Variants in AKR1C3 observed in about 807,000 individuals in gnomAD.
AKR1C3 encodes the protein aldo-keto reductase family 1 member C3, also known as 3-alpha hydroxysteroid dehydrogenase, type II.
A neutral mutation model predicts 43.6 loss-of-function variants in AKR1C3; 48 were observed. That is an observed-to-expected ratio of 1.10 (90% CI 0.87 to 1.40). The LOEUF (loss-of-function observed/expected upper bound fraction) is 1.40. Among genes scored for constraint, AKR1C3 ranks in the 40% most tolerant of loss-of-function variants. The pLI is 0.00. For synonymous variants in AKR1C3, 162 were observed against 139.6 expected (o/e 1.16, Z -1.13); for missense variants, 482 against 391.2 (o/e 1.23, Z -1.96).
At chr10:5,098,255 C>G (rs1564369514) in intron 3 of AKR1C3, 1 of 926,162 alleles carries the variant, frequency 1.1e-6, no homozygotes, top group Non-Finnish European at 1.3e-6. Context: ...TAAACTCCAA[C>G]ACTTTTTTTT....
chr10:5,085,595 G>T lies in AKR1C3; in HGVS notation c.85-10815G>T, dbSNP rs569841728. On this transcript the variant is annotated intron_variant, in intron 1 of 8. Transcript: ENST00000439082. ...CAGGATGACGCTGGCCTCATTAAAT[G>T]AGTTAGGGAGGATTCCCTCTTTTTC... Among the ~76,000 whole-genome samples the T allele has an allele frequency of 3.7e-4, 56 of 151,984 alleles. 2 individuals are homozygous for T. The South Asian group carries it at 0.011, about 30-fold the overall frequency.
At chr10:5,106,908 G>A (rs1839514636) in intron 8 of AKR1C3, among the ~76,000 whole-genome samples, 1 of 14,054 alleles carries the variant, frequency 7.1e-5, no homozygotes, top group South Asian at 2.9e-3. Context: ...TAGTTTCAAG[G>A]AAAATAAATA....
intron 5 of AKR1C3, among the ~76,000 whole-genome samples, chr10:5,101,033 A>G (rs1255839200): frequency 6.6e-6 from 1 of 152,216 alleles, no homozygotes; most frequent in Admixed American, 6.5e-5. Flanking sequence ...GCTACAGTAT[A>G]ATTATTGTAT....
At chr10:5,088,875 T>C (rs1839028427) in intron 1 of AKR1C3, among the ~76,000 whole-genome samples, 1 of 152,062 alleles carries the variant, frequency 6.6e-6, no homozygotes, top group African/African-American at 2.4e-5. Flanking sequence ...AGAGACTCAA[T>C]TGTGCAATTA....
chr10:5,093,147 C>A (rs1396093927), upstream of AKR1C3, among the ~76,000 whole-genome samples: 1 of 152,060 alleles, frequency 6.6e-6, no homozygotes, highest in Non-Finnish European at 1.5e-5. Context: ...GTTAGACGGA[C>A]TATTGCACGT....
intron 1 of AKR1C3, among the ~76,000 whole-genome samples, chr10:5,055,596 C>T (rs531129887): frequency 1.3e-5 from 2 of 152,340 alleles, no homozygotes; most frequent in Non-Finnish European, 2.9e-5. Context: ...CATTAATTTC[C>T]TTACTTAGGT....
At chr10:5,093,036 T>G (rs1433100006), upstream of AKR1C3, among the ~76,000 whole-genome samples, 2 of 152,110 alleles carry the variant, frequency 1.3e-5, no homozygotes. Flanking sequence ...AACTTGTATC[T>G]GCCTGGACTG....
chr10:5,102,395 G>A, intron 6 of AKR1C3, 90 bp from the exon 7 acceptor site: 2 of 1,545,070 alleles, frequency 1.3e-6, no homozygotes, highest in Non-Finnish European at 1.8e-6. Flanking sequence ...AGAAGCTCCG[G>A]TGCAGAGTGG....
At chr10:5,100,391 T>C (rs546276397) in intron 5 of AKR1C3, among the ~76,000 whole-genome samples, 1 of 152,344 alleles carries the variant, frequency 6.6e-6, no homozygotes, top group East Asian at 1.9e-4. Context: ...ACCTGACCTA[T>C]CACTGCCCAT....
rs1311513425 is a variant in AKR1C3, at chr10:5,104,902, C to T, written c.847-693C>T. On this transcript the variant is annotated intron_variant, in intron 7 of 8. Coordinates refer to ENST00000380554, the MANE Select transcript of AKR1C3 (RefSeq NM_003739.6). ...TGTTAAAAGAAAAATGTAATGAACA[C>T]CTTTTACCTAGACTAATTGTTAACT... Among the ~76,000 whole-genome samples the T allele has an allele frequency of 3.3e-5, 5 of 152,190 alleles. No homozygotes were observed. The East Asian group carries it at 9.6e-4, about 29-fold the overall frequency.
intron 1 of AKR1C3, among the ~76,000 whole-genome samples, chr10:5,064,107 C>T: frequency 6.6e-6 from 1 of 152,150 alleles, no homozygotes; most frequent in Non-Finnish European, 1.5e-5. Context: ...TGCAACCATT[C>T]AGTAATATTC....
chr10:5,063,782 A>AAAAAAAAAAAC, intron 1 of AKR1C3, among the ~76,000 whole-genome samples: 1 of 147,028 alleles, frequency 6.8e-6, no homozygotes, highest in South Asian at 2.2e-4. Context: ...AAAAAAAAAA[A>AAAAAAAAAAAC]AAAAAAAGGA....
chr10:5,095,728 C>G (rs1467088929), intron 1 of AKR1C3, among the ~76,000 whole-genome samples: 1 of 104,580 alleles, frequency 9.6e-6, no homozygotes, highest in East Asian at 2.8e-4. Flanking sequence ...TATGGCAGAA[C>G]TGTACCTTAG....
At chr10:5,090,451 C>T (rs1839066167), upstream of AKR1C3, among the ~76,000 whole-genome samples, 1 of 152,068 alleles carries the variant, frequency 6.6e-6, no homozygotes, top group Non-Finnish European at 1.5e-5. Context: ...TATCTCCAGG[C>T]CACAGTGTAG....
chr10:5,085,360 T>A (rs1422791121), intron 1 of AKR1C3, among the ~76,000 whole-genome samples: 17 of 152,174 alleles, frequency 1.1e-4, no homozygotes, highest in Admixed American at 3.9e-4. Context: ...TTGGTTCTGT[T>A]TATATGCTGG....
chr10:5,097,762 C>A (rs963802926), intron 3 of AKR1C3: 1 of 1,316,562 alleles, frequency 7.6e-7, no homozygotes, highest in Non-Finnish European at 9.7e-7. Context: ...AGTACAGCAA[C>A]CTCAAAGCCT....
At chr10:5,100,056 G>A (rs1418123673) in intron 5 of AKR1C3, among the ~76,000 whole-genome samples, 2 of 152,208 alleles carry the variant, frequency 1.3e-5, no homozygotes, top group Admixed American at 6.5e-5. Context: ...ACTTTGGGAG[G>A]CAAAGGCAGG....
At chr10:5,101,976 A>T in intron 5 of AKR1C3, 125 bp from the exon 6 acceptor site, 1 of 621,812 alleles carries the variant, frequency 1.6e-6, no homozygotes. Flanking sequence ...ATTACTTGAC[A>T]ATAATATCCT....
intron 4 of AKR1C3, 50 bp from the exon 5 acceptor site, chr10:5,099,277 G>A: frequency 6.2e-7 from 1 of 1,612,354 alleles, no homozygotes; most frequent in Non-Finnish European, 8.5e-7. Context: ...CATTTACCGT[G>A]ATTTGCAGCC....
Sources: gnomAD v4.1 joint callset for allele counts (sites outside exome capture counted in the v4.1 genomes callset) on GRCh38, gnomAD v4.1.1 for gene constraint, MANE v1.5 for transcripts, NCBI Gene and HGNC (gene_info 2026-07-23, HGNC 2026-07-21) for gene names.